SETD2: variants seen among roughly 807,000 people sequenced by gnomAD.
SETD2 encodes the protein histone-lysine N-methyltransferase SETD2.
Under a neutral mutation model 242.1 loss-of-function variants are expected in SETD2, and 31 were observed. The observed-to-expected ratio is 0.13, with a 90% CI of 0.10 to 0.17. The LOEUF is 0.17. Among genes scored for constraint, SETD2 ranks in the 10% least tolerant of loss-of-function variants. SETD2 has a pLI of 1.00. For synonymous variants in SETD2, 1,006 were observed against 1,066.5 expected, an observed-to-expected ratio of 0.94 and a Z score of 1.11; for missense variants, 2,481 against 3,046.3, an observed-to-expected ratio of 0.81 and a Z score of 4.37.
chr3:47,157,778 C>G (rs1267531192), intron 1 of SETD2, among the ~76,000 whole-genome samples: 2 of 150,704 alleles, frequency 1.3e-5, no homozygotes, highest in Non-Finnish European at 2.9e-5. Flanking sequence ...GAGGCTGAGG[C>G]AAGAGAACTG....
chr3:47,156,884 AT>A (rs1201156698), intron 1 of SETD2, among the ~76,000 whole-genome samples: 2 of 152,192 alleles, frequency 1.3e-5, no homozygotes, highest in Non-Finnish European at 2.9e-5. Flanking sequence ...GGTGGCTCAC[AT>A]CTGTAATCCC....
rs755283712 is a variant in SETD2 at position 47,121,161 on chromosome 3, C to T, written c.3475G>A (p.Glu1159Lys). 1 of 1,614,144 alleles carries T rather than the reference C, an allele frequency of 6.2e-7. No individual in the cohort carries two copies. The highest frequency in any genetic ancestry group is 1.7e-5 in the Admixed American group (1 of 60,022). Reference protein sequence around the residue: ...SRKQIDNRLPELSHPQSDGVD... With the variant: ...SRKQIDNRLPKLSHPQSDGVD... ...CCATCACTCTGAGGATGAGAAAGTT[C>T]AGGCAGGCGATTATCTATTTGTTTT... Residue 1159 changes from glutamate to lysine, a missense_variant, in exon 3 of 21, where the codon GAA becomes AAA. Glu to Lys is a moderately conservative substitution (Grantham distance 56). Around this residue, in one of 17 missense-constraint regions of SETD2, gnomAD observed 1,300 missense variants for 1,259.2 expected, o/e 1.03. Transcript: ENST00000409792.
intron 13 of SETD2, 93 bp from the exon 14 acceptor site, chr3:47,062,439 A>C (rs1047533189): frequency 8.5e-7 from 1 of 1,177,396 alleles, no homozygotes; most frequent in Non-Finnish European, 1.2e-6. Context: ...CTGTATAATA[A>C]AACTTCTATC....
chr3:47,077,457 G>A (rs548299632), intron 12 of SETD2, among the ~76,000 whole-genome samples: 2 of 152,254 alleles, frequency 1.3e-5, no homozygotes, highest in African/African-American at 2.4e-5. Context: ...TAAGGGACAG[G>A]CAAAAGAAGA....
At chr3:47,127,055 G>C (rs2106743667) in intron 1 of SETD2, among the ~76,000 whole-genome samples, 1 of 152,242 alleles carries the variant, frequency 6.6e-6, no homozygotes, top group South Asian at 2.1e-4. Context: ...GGGAAAATAG[G>C]AATGCAAAGA....
intron 12 of SETD2, among the ~76,000 whole-genome samples, chr3:47,073,136 G>A (rs2040898868): frequency 7.6e-6 from 1 of 131,470 alleles, no homozygotes; most frequent in Non-Finnish European, 1.6e-5. Flanking sequence ...GGGTAACAGA[G>A]TGACATTCCA....
chr3:47,019,199 A>T (rs2038109555), intron 19 of SETD2, among the ~76,000 whole-genome samples: 1 of 152,228 alleles, frequency 6.6e-6, no homozygotes, highest in South Asian at 2.1e-4. Context: ...CTACCAAATG[A>T]GATATTACAG....
chr3:47,027,945 G>A (rs927849253), intron 18 of SETD2, among the ~76,000 whole-genome samples: 8 of 151,612 alleles, frequency 5.3e-5, no homozygotes, highest in African/African-American at 1.9e-4. Context: ...GCGCCCCCCC[G>A]CACACCTGAC....
intron 5 of SETD2, among the ~76,000 whole-genome samples, chr3:47,110,843 A>G (rs1424107846): frequency 1.3e-5 from 2 of 152,092 alleles, no homozygotes; most frequent in African/African-American, 4.8e-5. Context: ...GCTTTAGGAA[A>G]TTTTAACCTG....
At chr3:47,064,969 T>C (rs1478981746) in intron 13 of SETD2, among the ~76,000 whole-genome samples, 1 of 152,098 alleles carries the variant, frequency 6.6e-6, no homozygotes, top group Non-Finnish European at 1.5e-5. Flanking sequence ...ATCCTCTGCA[T>C]CTCATGGATG....
chr3:47,032,895 G>GA (rs1382292539), intron 18 of SETD2, among the ~76,000 whole-genome samples: 4 of 151,044 alleles, frequency 2.6e-5, no homozygotes, highest in Non-Finnish European at 5.9e-5. Flanking sequence ...CTGGGCAACA[G>GA]AACTAGACTG....
intron 12 of SETD2, among the ~76,000 whole-genome samples, chr3:47,073,778 A>T (rs1217497503): frequency 1.3e-5 from 2 of 152,240 alleles, no homozygotes; most frequent in Non-Finnish European, 2.9e-5. Context: ...AATTAAATCA[A>T]AACTGCAATA....
At chr3:47,138,615 T>A (rs2043649859) in intron 1 of SETD2, among the ~76,000 whole-genome samples, 1 of 151,978 alleles carries the variant, frequency 6.6e-6, no homozygotes, top group African/African-American at 2.4e-5. Flanking sequence ...GAGATGAGGT[T>A]TCTCCATGTT....
chr3:47,063,645 G>A (rs2040434386), intron 13 of SETD2, among the ~76,000 whole-genome samples: 1 of 152,054 alleles, frequency 6.6e-6, no homozygotes. Flanking sequence ...GCTGTCCTAA[G>A]TACTACTTTT....
rs747825765 is a variant in SETD2, at chr3:47,086,308, G to A, written c.5284C>T (p.His1762Tyr). 3.1e-6 allele frequency: 5 copies of A among 1,612,092 alleles called. No homozygotes were observed. In the South Asian group the frequency reaches 5.5e-5, roughly 18 times the overall value. Residue 1762 changes from histidine to tyrosine, a missense_variant, in exon 11 of 21, where the codon CAC becomes TAC. Transcript: ENST00000409792. ...AAGGACTTCAGGCAGGACTGTGAGT[G>A]TGTGTTCTTTCATGGGGGAAGGGAG... Reference protein sequence around the residue: ...LTCLELIQNTHSQSCLKSFLE... With the variant: ...LTCLELIQNTYSQSCLKSFLE...
In SETD2 at chr3:47,123,791, T is replaced by C. The variant is rs1205246100; in HGVS notation, c.845A>G (p.Glu282Gly). 1.3e-6 allele frequency: 2 copies of C among 1,547,514 alleles called. No individual in the cohort carries two copies. Among genetic ancestry groups the C allele is most frequent in the African/African-American group, 1.4e-5 (1 of 72,666 alleles). Reference sequence around the variant, plus strand: ...TTCATCCTTCCCAATATGGGAATCTTCTTTTTTTGAGGAAATATCTGCTTG... The same window carrying C: ...TTCATCCTTCCCAATATGGGAATCTCCTTTTTTTGAGGAAATATCTGCTTG... Reference protein sequence around the residue: ...NEQADISSKKEDSHIGKDEEI... With the variant: ...NEQADISSKKGDSHIGKDEEI... Residue 282 changes from glutamate (E) to glycine (G), a missense_variant, in exon 3 of 21, where the codon GAA becomes GGA. Around this residue, in one of 17 missense-constraint regions of SETD2, gnomAD observed 334 missense variants for 374.5 expected, o/e 0.89. Transcript: ENST00000409792.
chr3:47,038,683 A>C (rs1559653013), intron 17 of SETD2, among the ~76,000 whole-genome samples: 1 of 152,232 alleles, frequency 6.6e-6, no homozygotes, highest in Admixed American at 6.5e-5. Context: ...CCGACTGCAA[A>C]AAGAAGGTTT....
chr3:47,070,582 A>G (rs907147769), intron 12 of SETD2, among the ~76,000 whole-genome samples: 4 of 152,222 alleles, frequency 2.6e-5, no homozygotes, highest in African/African-American at 4.8e-5. Flanking sequence ...TGTCTTGTGA[A>G]TAATAGTATT....
rs372264741 is a variant in SETD2, at chr3:47,094,040, G to A, written c.5142+3915C>T. On this transcript the variant is annotated intron_variant, in intron 9 of 20. Coordinates refer to ENST00000409792, the MANE Select transcript of SETD2 (RefSeq NM_014159.7). ...AGTTACACTCATTATGCATATTCTG[G>A]ATAGTAGTATTCATTTGTTATGAGT... 7.6e-4 allele frequency among the ~76,000 whole-genome samples: 116 copies of A among 152,184 alleles called. 2 individuals carry two copies. The highest frequency in any genetic ancestry group is 2.6e-3 in the African/African-American group (109 of 41,532).
Sources: gnomAD v4.1 joint callset for allele counts (sites outside exome capture counted in the v4.1 genomes callset) on GRCh38, gnomAD v4.1.1 for gene constraint, gnomAD v4.1.1 regional missense constraint, MANE v1.5 for transcripts, NCBI Gene and HGNC (gene_info 2026-07-23, HGNC 2026-07-21) for gene names.